RPS6KC1: variants seen among roughly 807,000 people sequenced by gnomAD.
The protein encoded by RPS6KC1 is ribosomal protein S6 kinase C1.
Under a neutral mutation model 103.8 loss-of-function variants are expected in RPS6KC1, and 54 were observed. That is an observed-to-expected ratio of 0.52 (90% CI 0.42 to 0.65). RPS6KC1 has a LOEUF of 0.65. RPS6KC1 is among the 30% of genes least tolerant of loss of function. The pLI is 0.00. For missense variants in RPS6KC1, 1,151 were observed against 1,253.8 expected, an observed-to-expected ratio of 0.92 and a Z score of 1.24; for synonymous variants, 439 against 438.7, an observed-to-expected ratio of 1.00 and a Z score of -0.01.
At chr1:213,568,387 G>A in the RPS6KC1 span, among the ~76,000 whole-genome samples, 1 of 152,234 alleles carries the variant, frequency 6.6e-6, no homozygotes, top group Admixed American at 6.5e-5. Context: ...TTTCCCCAGA[G>A]ATGAAAGGAA....
chr1:213,823,453 GA>G, the RPS6KC1 span, among the ~76,000 whole-genome samples: 1 of 152,156 alleles, frequency 6.6e-6, no homozygotes, highest in African/African-American at 2.4e-5. Context: ...TGTATCCTGT[GA>G]GAGCTCAATA....
At chr1:213,074,056 T>A (rs1014746421) in intron 2 of RPS6KC1, among the ~76,000 whole-genome samples, 12 of 152,080 alleles carry the variant, frequency 7.9e-5, no homozygotes, top group Non-Finnish European at 1.5e-5. Context: ...AAGCAAATAG[T>A]GTGGTAGTGA....
chr1:213,058,356 A>G (rs1273033785), intron 1 of RPS6KC1, among the ~76,000 whole-genome samples: 1 of 151,904 alleles, frequency 6.6e-6, no homozygotes, highest in Non-Finnish European at 1.5e-5. Context: ...CTCAGGTTAC[A>G]AATATTTTTC....
chr1:213,568,089 C>G, the RPS6KC1 span, among the ~76,000 whole-genome samples: 1 of 152,300 alleles, frequency 6.6e-6, no homozygotes, highest in Admixed American at 6.5e-5. Context: ...ACATGAGACT[C>G]CTGTATCTCA....
At chr1:213,117,917 G>C (rs915303914) in intron 5 of RPS6KC1, among the ~76,000 whole-genome samples, 9 of 149,826 alleles carry the variant, frequency 6.0e-5, no homozygotes, top group African/African-American at 2.0e-4. Context: ...AGCTACTAGG[G>C]AGGCTGAGGC....
the RPS6KC1 span, among the ~76,000 whole-genome samples, chr1:213,558,255 A>G: frequency 6.6e-6 from 1 of 152,254 alleles, no homozygotes; most frequent in Non-Finnish European, 1.5e-5. Context: ...AATTCAGGTT[A>G]TGAAAAAGAT....
chr1:213,740,663 A>ATACATATATATATCTCTCAGATATATG, the RPS6KC1 span, among the ~76,000 whole-genome samples: 1 of 134,328 alleles, frequency 7.4e-6, no homozygotes, highest in African/African-American at 2.8e-5. Context: ...TCAGATATAT[A>ATACATATATATATCTCTCAGATATATG]TACACATATA....
At chr1:213,816,890 G>C in the RPS6KC1 span, among the ~76,000 whole-genome samples, 1 of 152,196 alleles carries the variant, frequency 6.6e-6, no homozygotes, top group Admixed American at 6.5e-5. Flanking sequence ...TTGAAATGGG[G>C]AACCCTTGCA....
chr1:213,385,504 C>T, the RPS6KC1 span, among the ~76,000 whole-genome samples: 5 of 152,094 alleles, frequency 3.3e-5, no homozygotes, highest in African/African-American at 1.2e-4. Context: ...GTAACATTGA[C>T]GTGGTGGAGG....
At chr1:213,453,295 G>A in the RPS6KC1 span, among the ~76,000 whole-genome samples, 2 of 152,090 alleles carry the variant, frequency 1.3e-5, no homozygotes, top group African/African-American at 4.8e-5. Context: ...TCATGGAGCC[G>A]ATGGAGCTTA....
At chr1:213,375,293 A>G in the RPS6KC1 span, among the ~76,000 whole-genome samples, 436 of 152,080 alleles carry the variant, frequency 2.9e-3, 2 homozygotes, top group African/African-American at 0.01. Context: ...ACACACATAC[A>G]TACACACATA....
chr1:213,235,212 A>G (rs2094196095), intron 10 of RPS6KC1, among the ~76,000 whole-genome samples: 1 of 152,208 alleles, frequency 6.6e-6, no homozygotes, highest in Admixed American at 6.5e-5. Flanking sequence ...GATTTATGTG[A>G]GTCTCTTGGA....
chr1:213,258,194 G>C (rs1352567697), intron 12 of RPS6KC1, among the ~76,000 whole-genome samples: 1 of 152,012 alleles, frequency 6.6e-6, no homozygotes, highest in Non-Finnish European at 1.5e-5. Context: ...TGTTAGCCAG[G>C]ATGGTCTCGA....
At chr1:213,858,429 G>A in the RPS6KC1 span, among the ~76,000 whole-genome samples, 1 of 152,122 alleles carries the variant, frequency 6.6e-6, no homozygotes, top group Non-Finnish European at 1.5e-5. Context: ...ACATGTTGGG[G>A]GGGCGGTGGT....
chr1:213,535,160 G>C, the RPS6KC1 span, among the ~76,000 whole-genome samples: 13,001 of 152,202 alleles, frequency 0.085, 1,414 homozygotes, highest in African/African-American at 0.26. Context: ...GCCCATGGCT[G>C]TGTTACCAGT....
chr1:213,695,532 G>GC, the RPS6KC1 span, among the ~76,000 whole-genome samples: 1 of 152,210 alleles, frequency 6.6e-6, no homozygotes, highest in African/African-American at 2.4e-5. Context: ...TGAGAAAGTG[G>GC]CCCCTCTGCT....
At chr1:213,384,275 CA>C in the RPS6KC1 span, among the ~76,000 whole-genome samples, 1 of 144,914 alleles carries the variant, frequency 6.9e-6, no homozygotes, top group African/African-American at 2.7e-5. Context: ...GACTCCATCT[CA>C]AAAAAAAATA....
chr1:213,743,457 A>G, the RPS6KC1 span, among the ~76,000 whole-genome samples: 1 of 152,354 alleles, frequency 6.6e-6, no homozygotes, highest in Non-Finnish European at 1.5e-5. Context: ...TGAGTGCAAT[A>G]TGCCCATGTA....
At chr1:213,851,709 C>CA in the RPS6KC1 span, among the ~76,000 whole-genome samples, 1 of 152,148 alleles carries the variant, frequency 6.6e-6, no homozygotes, top group African/African-American at 2.4e-5. Flanking sequence ...ACAACATGGA[C>CA]AAAACCCCAT....
Sources: gnomAD v4.1 joint callset for allele counts (sites outside exome capture counted in the v4.1 genomes callset) on GRCh38, gnomAD v4.1.1 for gene constraint, MANE v1.5 for transcripts, NCBI Gene and HGNC (gene_info 2026-07-23, HGNC 2026-07-21) for gene names.